The following JARID2 variants were observed in gnomAD, a reference collection of about 807,000 sequenced individuals.
The protein encoded by JARID2 is jumonji and AT-rich interaction domain containing 2.
In JARID2, 21 loss-of-function variants were observed where a neutral mutation model predicts 125.6. The ratio of observed to expected loss-of-function variants is 0.17; its 90% CI spans 0.12 to 0.24. JARID2 has a LOEUF of 0.24. Ranked by LOEUF, JARID2 falls within the 10% of genes least tolerant of loss-of-function variation. The pLI is 1.00. For synonymous variants in JARID2, 736 were observed against 661.6 expected (o/e 1.11, Z -1.73); for missense variants, 1,303 against 1,639.6 (o/e 0.79, Z 3.55).
At chr6:15,513,726 C>T (rs143974600) in intron 16 of JARID2, among the ~76,000 whole-genome samples, 1 of 152,254 alleles carries the variant, frequency 6.6e-6, no homozygotes, top group Admixed American at 6.5e-5. Flanking sequence ...CTTTGTCACT[C>T]CAGCCCCCAC....
At chr6:15,494,730 G>A (rs908935643) in intron 6 of JARID2, among the ~76,000 whole-genome samples, 1 of 152,182 alleles carries the variant, frequency 6.6e-6, no homozygotes, top group Non-Finnish European at 1.5e-5. Context: ...CCACTTAAGG[G>A]GGGTCCTGGG....
intron 3 of JARID2, among the ~76,000 whole-genome samples, chr6:15,415,872 A>AC (rs1197952633): frequency 3.2e-5 from 4 of 125,006 alleles, no homozygotes. Context: ...GCGGGGGCTG[A>AC]CCCCCACCTC....
chr6:15,312,098 C>G (rs1762033637), intron 1 of JARID2, among the ~76,000 whole-genome samples: 1 of 152,356 alleles, frequency 6.6e-6, no homozygotes, highest in Admixed American at 6.5e-5. Flanking sequence ...CCCTGTCACC[C>G]AGGCTGGAGT....
chr6:15,375,165 T>A (rs1764305380), intron 2 of JARID2, among the ~76,000 whole-genome samples: 1 of 152,194 alleles, frequency 6.6e-6, no homozygotes, highest in Non-Finnish European at 1.5e-5. Context: ...GTGAGTTGTC[T>A]GGCAGCCTCC....
Position 15,348,925 on chromosome 6 carries a change from T to C in JARID2, c.46-25192T>C, listed in dbSNP as rs139590075. Among the ~76,000 whole-genome samples the C allele has an allele frequency of 3.7e-4, 56 of 152,324 alleles. 2 individuals carry two copies. The highest frequency in any genetic ancestry group is 1.3e-3 in the African/African-American group (56 of 41,580). ...AAATACTTACTTCAGTAGCATACCA[T>C]CTGAAGCAATAGGATGGAAGTTTAA... On this transcript the variant is annotated intron_variant, in intron 1 of 17. Transcript: ENST00000341776.
At chr6:15,316,524 A>G (rs184157623) in intron 1 of JARID2, among the ~76,000 whole-genome samples, 4 of 151,958 alleles carry the variant, frequency 2.6e-5, no homozygotes, top group Admixed American at 2.6e-4. Flanking sequence ...GAAGTAAAGA[A>G]ATTTTGGACT....
chr6:15,374,005 C>A (rs1396732367), intron 1 of JARID2, 112 bp from the exon 2 acceptor site: 1 of 1,190,876 alleles, frequency 8.4e-7, no homozygotes, highest in Non-Finnish European at 1.2e-6. Flanking sequence ...AGAACTGGGT[C>A]GTGGTCACAC....
chr6:15,392,073 T>TGTGTGTGC (rs1765037051), intron 2 of JARID2, among the ~76,000 whole-genome samples: 1 of 54,208 alleles, frequency 1.8e-5, no homozygotes, highest in African/African-American at 7.6e-5. Flanking sequence ...TGTGTGTGTG[T>TGTGTGTGC]GTGTGCGTGT....
At chr6:15,438,750 C>T (rs1330109270) in intron 3 of JARID2, among the ~76,000 whole-genome samples, 1 of 152,154 alleles carries the variant, frequency 6.6e-6, no homozygotes, top group East Asian at 1.9e-4. Flanking sequence ...TTACTGTGGC[C>T]ATGCTCGGTG....
At chr6:15,496,082 C>T in intron 6 of JARID2, 50 bp from the exon 7 acceptor site, 7 of 1,481,824 alleles carry the variant, frequency 4.7e-6, no homozygotes, top group Non-Finnish European at 5.5e-6. Flanking sequence ...ATTTTAGTGG[C>T]AGGTACTAAT....
At chr6:15,408,359 T>C (rs148034395) in intron 2 of JARID2, among the ~76,000 whole-genome samples, 33 of 152,340 alleles carry the variant, frequency 2.2e-4, no homozygotes, top group African/African-American at 7.9e-4. Context: ...CCAGCATTTT[T>C]ATTTTCAGTT....
At chr6:15,469,336 C>CT (rs1446263276) in intron 5 of JARID2, among the ~76,000 whole-genome samples, 7 of 31,370 alleles carry the variant, frequency 2.2e-4, no homozygotes, top group South Asian at 2.0e-3. Context: ...CTCTCTCTCT[C>CT]CTGTCTCTCT....
chr6:15,357,048 CG>C (rs1763626113), intron 1 of JARID2, among the ~76,000 whole-genome samples: 1 of 152,144 alleles, frequency 6.6e-6, no homozygotes, highest in African/African-American at 2.4e-5. Context: ...AAACTTTGTT[CG>C]TTTCACAGTT....
At chr6:15,332,986 C>T (rs1353594242) in intron 1 of JARID2, among the ~76,000 whole-genome samples, 2 of 130,462 alleles carry the variant, frequency 1.5e-5, no homozygotes, top group African/African-American at 6.1e-5. Context: ...GGCTGGAGTG[C>T]AGTGGCCCCA....
intron 3 of JARID2, among the ~76,000 whole-genome samples, chr6:15,447,815 C>T (rs1767741095): frequency 6.6e-6 from 1 of 152,226 alleles, no homozygotes; most frequent in Non-Finnish European, 1.5e-5. Flanking sequence ...GCCAGGTGAC[C>T]TCCTCCTTTA....
intron 8 of JARID2, among the ~76,000 whole-genome samples, chr6:15,502,314 C>T (rs1039694163): frequency 5.3e-5 from 8 of 152,268 alleles, no homozygotes; most frequent in Non-Finnish European, 7.3e-5. Flanking sequence ...GCGGGGCACC[C>T]GGGGCCCAGC....
chr6:15,517,306 G>A (rs748751820), intron 17 of JARID2, 38 bp downstream of exon 17: 16 of 1,421,914 alleles, frequency 1.1e-5, no homozygotes, highest in East Asian at 6.8e-5. Context: ...GGGCGGCAGC[G>A]TGGCGCCTTC....
intron 1 of JARID2, among the ~76,000 whole-genome samples, chr6:15,306,909 T>C (rs1156621159): frequency 6.7e-6 from 1 of 148,152 alleles, no homozygotes; most frequent in African/African-American, 2.4e-5. Flanking sequence ...TTATATATAA[T>C]CAATTATATT....
chr6:15,286,476 T>C (rs1460477836), intron 1 of JARID2, among the ~76,000 whole-genome samples: 7 of 151,774 alleles, frequency 4.6e-5, no homozygotes, highest in Non-Finnish European at 7.4e-5. Context: ...GTTCTTGAAC[T>C]CCTGACCTCA....
Sources: gnomAD v4.1 joint callset for allele counts (sites outside exome capture counted in the v4.1 genomes callset) on GRCh38, gnomAD v4.1.1 for gene constraint, MANE v1.5 for transcripts, NCBI Gene and HGNC (gene_info 2026-07-23, HGNC 2026-07-21) for gene names.